The following INSL4 variants were observed in gnomAD, a reference collection of about 807,000 sequenced individuals.
The protein encoded by INSL4 is insulin like 4.
INSL4 carries 7 observed loss-of-function variants against 6.5 expected under a neutral mutation model. The ratio of observed to expected loss-of-function variants is 1.08; its 90% CI spans 0.61 to 2.02. INSL4 has a LOEUF of 2.02. INSL4 is among the 30% of genes most tolerant of loss of function. The pLI is 0.00. For synonymous variants in INSL4, 82 were observed against 65.8 expected, an observed-to-expected ratio of 1.25 and a Z score of -1.19; for missense variants, 226 against 163.2, an observed-to-expected ratio of 1.38 and a Z score of -2.09.
chr9:5,231,595 A>G lies in INSL4; in HGVS notation c.72A>G (p.Leu24=), dbSNP rs144245713. 27 of 1,613,796 alleles carry G rather than the reference A, an allele frequency of 1.7e-5. No homozygotes were observed. In the African/African-American group the frequency reaches 3.5e-4, roughly 21 times the overall value. ...LLLSQLLRES[L]AAELRGCGPR... is the part of the protein sequence containing the mutation. The stretch of plus-strand genomic sequence containing the variant: ...TGAGCCAACTCCTTAGAGAAAGCCT[A>G]GCAGCAGAGCTGAGGGGATGTGGTC... The change falls in exon 1 of 2, where the codon CTA becomes CTG. Residue 24 remains leucine, a synonymous_variant. Transcript: ENST00000239316.
intron 1 of INSL4, among the ~76,000 whole-genome samples, chr9:5,233,004 C>G (rs1264361460): frequency 6.6e-6 from 1 of 152,052 alleles, no homozygotes; most frequent in African/African-American, 2.4e-5. Flanking sequence ...CCACAAAGTC[C>G]AAACAATTTC....
chr9:5,231,837 G>GT lies in INSL4; in HGVS notation c.196+123dup, dbSNP rs1826151231. The GT allele has an allele frequency of 7.2e-6, 6 of 837,810 alleles. No individual in the cohort carries two copies. In the East Asian group the frequency reaches 1.6e-4, roughly 23 times the overall value. The allele number at this position is 837,810 out of a possible 1,614,324, so 51.9% of individuals were successfully genotyped here. ...TGTGGCTAGTGCCTACAAGTTTGTG[G>GT]TTTTTCATTGTAATGTGCTTTTATT... On this transcript the variant is annotated intron_variant, in intron 1 of 1. Coordinates refer to ENST00000239316, the MANE Select transcript of INSL4 (RefSeq NM_002195.2).
rs1826184311 is a variant in INSL4 at position 5,233,782 on chromosome 9, C to T, written c.325C>T (p.Leu109Phe). 6.2e-7 allele frequency: 1 copy of T among 1,613,560 alleles called. No individual in the cohort carries two copies. Among genetic ancestry groups the T allele is most frequent in the African/African-American group, 1.3e-5 (1 of 74,914 alleles). ...GCAGCCATCATTGAAGAAAATAATACTTTCCCGCAAAAAGAGAAGTGGACG... is the reference window on the plus strand; with the variant it reads ...GCAGCCATCATTGAAGAAAATAATATTTTCCCGCAAAAAGAGAAGTGGACG... ...EGQPSLKKII[L>F]SRKKRSGRHR... The change falls in exon 2 of 2, where the codon CTT (leucine) becomes TTT (phenylalanine). Residue 109 changes from leucine (L) to phenylalanine (F), a missense_variant. Coordinates refer to ENST00000239316, the MANE Select transcript of INSL4 (RefSeq NM_002195.2).
chr9:5,232,592 G>C (rs1409135498), intron 1 of INSL4, among the ~76,000 whole-genome samples: 1 of 152,120 alleles, frequency 6.6e-6, no homozygotes, highest in Non-Finnish European at 1.5e-5. Context: ...TTCAATACCA[G>C]GATAGTTTTC....
At chr9:5,233,035 C>T (rs1313136951) in intron 1 of INSL4, among the ~76,000 whole-genome samples, 1 of 152,096 alleles carries the variant, frequency 6.6e-6, no homozygotes, top group Non-Finnish European at 1.5e-5. Context: ...TAAGGAAGAG[C>T]ATGCTGTACT....
chr9:5,233,684 G>C lies in INSL4; in HGVS notation c.227G>C (p.Gly76Ala). Reference protein sequence around the residue: ...EMVSTSNNKDGQALGTTSEFI... With the variant: ...EMVSTSNNKDAQALGTTSEFI... ...GTGTCAACCTCCAACAACAAAGATG[G>C]ACAAGCCTTAGGTACGACATCAGAA... The change falls in exon 2 of 2, where the codon GGA (glycine) becomes GCA (alanine). Residue 76 changes from glycine to alanine, a missense_variant. Transcript: ENST00000239316. 1 of 1,613,522 alleles carries C rather than the reference G, an allele frequency of 6.2e-7. No homozygotes were observed. The highest frequency in any genetic ancestry group is 8.5e-7 in the Non-Finnish European group (1 of 1,179,690).
chr9:5,233,640 C>T lies in INSL4; in HGVS notation c.197-14C>T, dbSNP rs1294257654. ...GTTTTTCCTCACCTTTCATTCCTCT[C>T]TTTTACTTCACAGAAATGGTGTCAA... On this transcript the variant is annotated splice_polypyrimidine_tract_variant and intron_variant, in intron 1 of 1. Coordinates refer to ENST00000239316, the MANE Select transcript of INSL4 (RefSeq NM_002195.2). 5 of 1,600,548 alleles carry T rather than the reference C, an allele frequency of 3.1e-6. No homozygotes were observed. In the African/African-American group the frequency reaches 4.0e-5, roughly 13 times the overall value.
At chr9:5,233,511 T>A (rs1219905639) in intron 1 of INSL4, 143 bp from the exon 2 acceptor site, 3 of 639,760 alleles carry the variant, frequency 4.7e-6, no homozygotes, top group Non-Finnish European at 8.2e-6. Context: ...GTTGAAATGT[T>A]AGGATACTTG....
At chr9:5,233,545 A>C (rs1458720590) in intron 1 of INSL4, 109 bp from the exon 2 acceptor site, 1 of 721,304 alleles carries the variant, frequency 1.4e-6, no homozygotes, top group Non-Finnish European at 2.3e-6. Flanking sequence ...GTGTTTAATT[A>C]CATGGAGGCA....
chr9:5,233,704 T>A lies in INSL4; in HGVS notation c.247T>A (p.Ser83Thr). The A allele has an allele frequency of 6.2e-7, 1 of 1,613,700 alleles. No individual in the cohort carries two copies. The highest frequency in any genetic ancestry group is 8.5e-7 in the Non-Finnish European group (1 of 1,179,754). The change falls in exon 2 of 2, where the codon TCA becomes ACA. Residue 83 changes from serine (S) to threonine (T), a missense_variant. Transcript: ENST00000239316. Reference sequence around the variant, plus strand: ...AGATGGACAAGCCTTAGGTACGACATCAGAATTCATTCCTAATTTGTCACC... The same window carrying A: ...AGATGGACAAGCCTTAGGTACGACAACAGAATTCATTCCTAATTTGTCACC... The part of the protein sequence containing the change: ...NKDGQALGTT[S>T]EFIPNLSPEL...
chr9:5,233,574 A>T, intron 1 of INSL4, 80 bp from the exon 2 acceptor site: 1 of 1,052,416 alleles, frequency 9.5e-7, no homozygotes. Flanking sequence ...ATTGTGGTCT[A>T]GGCAAATTGT....
chr9:5,233,860 G>T lies in INSL4; in HGVS notation c.403G>T (p.Val135Phe), dbSNP rs781413022. 4 of 1,609,210 alleles carry T rather than the reference G, an allele frequency of 2.5e-6. No individual in the cohort carries two copies. Among genetic ancestry groups the T allele is most frequent in the Non-Finnish European group, 3.4e-6 (4 of 1,175,756 alleles). The change falls in exon 2 of 2, where the codon GTT (valine) becomes TTT (phenylalanine). Residue 135 changes from valine to phenylalanine, a missense_variant. Transcript: ENST00000239316. Reference protein sequence around the residue: ...CEVICDDGTSVKLCT With the variant: ...CEVICDDGTSFKLCT The stretch of plus-strand genomic sequence containing the variant: ...AGTAATTTGTGACGATGGAACTTCA[G>T]TTAAATTATGTACATAGTAGAGTAA...
intron 1 of INSL4, 80 bp downstream of exon 1, chr9:5,231,799 AC>A: frequency 7.2e-6 from 9 of 1,257,488 alleles, no homozygotes; most frequent in Non-Finnish European, 1.0e-5. Flanking sequence ...CCTGTAGTCA[AC>A]TCAGACTCTA....
Position 5,231,612 on chromosome 9 carries a change from G to A in INSL4, c.89G>A (p.Gly30Glu), listed in dbSNP as rs1272860094. The change falls in exon 1 of 2, where the codon GGA becomes GAA. Residue 30 changes from glycine to glutamate, a missense_variant. By Grantham distance (98) the Gly-to-Glu change is moderately conservative (BLOSUM62 -2). Coordinates refer to ENST00000239316, the MANE Select transcript of INSL4 (RefSeq NM_002195.2). ...LRESLAAELR[G>E]CGPRFGKHLL... ...GAAAGCCTAGCAGCAGAGCTGAGGG[G>A]ATGTGGTCCCCGATTTGGAAAACAC... is the stretch of plus-strand genomic sequence containing the variant. 1.5e-5 allele frequency: 25 copies of A among 1,613,920 alleles called. No homozygotes were observed. The highest frequency in any genetic ancestry group is 4.5e-5 in the East Asian group (2 of 44,856).
At position 5,234,230 on chromosome 9, in the gene INSL4, G is replaced by A. The variant is rs753938117; in HGVS notation, c.*353G>A. 7 of 195,150 alleles carry A rather than the reference G, an allele frequency of 3.6e-5. No homozygotes were observed. The highest frequency in any genetic ancestry group is 3.2e-4 in the South Asian group (3 of 9,436). 12.1% of individuals were successfully genotyped at this position (195,150 alleles called of 1,614,324 possible). A position where few individuals can be genotyped will look rare whatever the true frequency, so the allele number is the denominator to read the frequency against. Reference sequence around the variant, plus strand: ...TTTGATCATTACACATTATATACACGTATCAAAATATCACATGTACTACAA... The same window carrying A: ...TTTGATCATTACACATTATATACACATATCAAAATATCACATGTACTACAA... On this transcript the variant is annotated 3_prime_UTR_variant, in exon 2 of 2. Coordinates refer to ENST00000239316, the MANE Select transcript of INSL4 (RefSeq NM_002195.2).
In INSL4 at chr9:5,231,521, A is replaced by G; in HGVS notation, c.-3A>G. The stretch of plus-strand genomic sequence containing the variant: ...ACCCAGAACAGGAGAGTTCAGGTCC[A>G]GGATGGCCAGCCTGTTCCGGTCCTA... On this transcript the variant is annotated 5_prime_UTR_variant, in exon 1 of 2. Coordinates refer to ENST00000239316, the MANE Select transcript of INSL4 (RefSeq NM_002195.2). 1 of 1,612,006 alleles carries G rather than the reference A, an allele frequency of 6.2e-7. No individual in the cohort carries two copies. Among genetic ancestry groups the G allele is most frequent in the Non-Finnish European group, 8.5e-7 (1 of 1,179,376 alleles).
chr9:5,231,951 C>T (rs139247696), intron 1 of INSL4, among the ~76,000 whole-genome samples: 2 of 152,156 alleles, frequency 1.3e-5, no homozygotes, highest in East Asian at 3.9e-4. Context: ...CTTGGAGGCT[C>T]TTGGTGCCTT....
intron 1 of INSL4, 112 bp downstream of exon 1, chr9:5,231,831 T>C (rs1826151030): frequency 1.1e-6 from 1 of 914,104 alleles, no homozygotes; most frequent in Non-Finnish European, 1.6e-6. Context: ...TGCCTACAAG[T>C]TTGTGGTTTT....
intron 1 of INSL4, among the ~76,000 whole-genome samples, chr9:5,232,224 C>G (rs897688862): frequency 2.0e-5 from 3 of 152,180 alleles, no homozygotes; most frequent in Non-Finnish European, 4.4e-5. Context: ...ACTGAGACCT[C>G]TGTTAGGTTC....
Sources: gnomAD v4.1 joint callset for allele counts (sites outside exome capture counted in the v4.1 genomes callset) on GRCh38, gnomAD v4.1.1 for gene constraint, MANE v1.5 for transcripts, NCBI Gene and HGNC (gene_info 2026-07-23, HGNC 2026-07-21) for gene names.